The following DLC1 variants were observed in gnomAD, a reference collection of about 807,000 sequenced individuals.
DLC1 encodes rho GTPase-activating protein 7.
Under a neutral mutation model 140.3 loss-of-function variants are expected in DLC1, and 54 were observed. That is an observed-to-expected ratio of 0.38 (90% CI 0.31 to 0.48). DLC1 has a LOEUF of 0.48. Ranked by LOEUF, DLC1 falls within the 20% of genes least tolerant of loss-of-function variation. The pLI is 0.96. For missense variants in DLC1, 2,536 were observed against 1,907.0 expected, an observed-to-expected ratio of 1.33 and a Z score of -6.14; for synonymous variants, 986 against 728.1, an observed-to-expected ratio of 1.35 and a Z score of -5.70.
chr8:13,558,620 C>A (rs182770880), intron 1 of DLC1: 1 of 152,186 alleles, frequency 6.6e-6, no homozygotes, highest in East Asian at 1.9e-4. Context: ...CAAAATCTAA[C>A]CACAGTCCAG....
At chr8:13,554,914 G>A (rs1384433995) in intron 1 of DLC1, among the ~76,000 whole-genome samples, 2 of 152,150 alleles carry the variant, frequency 1.3e-5, no homozygotes, top group Non-Finnish European at 2.9e-5. Flanking sequence ...CTACATGATT[G>A]GGTTTTCACT....
At chr8:13,494,985 T>A (rs1385320369) in intron 2 of DLC1, among the ~76,000 whole-genome samples, 1 of 152,094 alleles carries the variant, frequency 6.6e-6, no homozygotes, top group Non-Finnish European at 1.5e-5. Flanking sequence ...ACCTGAGGGA[T>A]AAACTAAGAC....
chr8:13,502,551 G>T (rs541189460), intron 1 of DLC1, among the ~76,000 whole-genome samples: 1 of 152,170 alleles, frequency 6.6e-6, no homozygotes, highest in African/African-American at 2.4e-5. Context: ...TTAAAGACCA[G>T]ATTATTAATA....
At chr8:13,221,804 T>A (rs1828569649) in intron 5 of DLC1, among the ~76,000 whole-genome samples, 1 of 144,414 alleles carries the variant, frequency 6.9e-6, no homozygotes. Context: ...TATATTAATA[T>A]AAAATACATA....
chr8:13,369,595 T>A (rs1400173623), intron 4 of DLC1, among the ~76,000 whole-genome samples: 1 of 152,266 alleles, frequency 6.6e-6, no homozygotes, highest in Non-Finnish European at 1.5e-5. Context: ...GGCTTCTTTC[T>A]TTCTCTTATG....
At chr8:13,105,874 G>A (rs115275532) in intron 7 of DLC1, among the ~76,000 whole-genome samples, 2,591 of 152,132 alleles carry the variant, frequency 0.017, 78 homozygotes, top group African/African-American at 0.059. Flanking sequence ...CACTGCACCC[G>A]GCAATCTGTG....
intron 5 of DLC1, among the ~76,000 whole-genome samples, chr8:13,129,852 T>C (rs973480513): frequency 2.0e-5 from 3 of 152,216 alleles, no homozygotes; most frequent in African/African-American, 7.2e-5. Flanking sequence ...TTTGTAAAAG[T>C]CTTCTGGCTA....
chr8:13,350,210 G>T (rs1425339580), intron 4 of DLC1, among the ~76,000 whole-genome samples: 1 of 151,990 alleles, frequency 6.6e-6, no homozygotes, highest in Non-Finnish European at 1.5e-5. Context: ...CTTCTTTTAA[G>T]GCCCACTTTT....
At chr8:13,280,423 T>G (rs1301051818) in intron 5 of DLC1, among the ~76,000 whole-genome samples, 1 of 152,140 alleles carries the variant, frequency 6.6e-6, no homozygotes, top group Non-Finnish European at 1.5e-5. Context: ...GGAAGCTGTG[T>G]AAACTCTTCC....
rs1168071913 is a variant in DLC1, at chr8:13,453,475, T to C, written c.1023+45574A>G. Among the ~76,000 whole-genome samples the C allele has an allele frequency of 1.3e-4, 5 of 38,332 alleles. No homozygotes were observed. In the East Asian group the frequency reaches 2.7e-3, roughly 21 times the overall value. 25.1% of individuals were successfully genotyped at this position (38,332 alleles called of 152,430 possible). The stretch of plus-strand genomic sequence containing the variant: ...ATATATATATGTATATATATACATA[T>C]ATATGTATATATATACATATATATA... On this transcript the variant is annotated intron_variant, in intron 2 of 17. Coordinates refer to ENST00000276297, the MANE Select transcript of DLC1 (RefSeq NM_182643.3).
intron 4 of DLC1, among the ~76,000 whole-genome samples, chr8:13,390,984 C>CAA (rs1430798740): frequency 2.8e-5 from 2 of 71,080 alleles, no homozygotes; most frequent in South Asian, 4.3e-4. Flanking sequence ...GACTCCGTCT[C>CAA]AAAAAAAAAA....
intron 5 of DLC1, among the ~76,000 whole-genome samples, chr8:13,198,678 T>A (rs1486034493): frequency 6.6e-6 from 1 of 152,158 alleles, no homozygotes; most frequent in Admixed American, 6.6e-5. Flanking sequence ...CAACTTCTCG[T>A]TAACCCTCAA....
intron 2 of DLC1, among the ~76,000 whole-genome samples, chr8:13,477,039 T>C (rs958734073): frequency 1.3e-5 from 2 of 152,158 alleles, no homozygotes; most frequent in East Asian, 3.9e-4. Context: ...TTAGGGAATA[T>C]GGACTCACTC....
rs193279614 is a variant in DLC1 at position 13,548,947 on chromosome 8, G to T, written c.-125-48751C>A. Among the ~76,000 whole-genome samples, 18 of 152,196 alleles carry T rather than the reference G, an allele frequency of 1.2e-4. No homozygotes were observed. In the East Asian group the frequency reaches 3.5e-3, roughly 29 times the overall value. ...GATCAATTATAATCACTGAATTTCA[G>T]TGAAAGGATTCTTCTCTCTTTTGTA... is the stretch of plus-strand genomic sequence containing the variant. On this transcript the variant is annotated intron_variant, in intron 1 of 1. Transcript: ENST00000631382.
intron 2 of DLC1, among the ~76,000 whole-genome samples, chr8:13,461,396 A>G (rs1458540279): frequency 6.6e-6 from 1 of 151,980 alleles, no homozygotes; most frequent in African/African-American, 2.4e-5. Context: ...GCTTCCCTCC[A>G]CCCCTTTATA....
chr8:13,376,249 G>C (rs1043384952), intron 4 of DLC1, among the ~76,000 whole-genome samples: 2 of 152,172 alleles, frequency 1.3e-5, no homozygotes, highest in Non-Finnish European at 2.9e-5. Context: ...ATACAGCAAT[G>C]CATGCAGTTA....
At chr8:13,281,513 A>G (rs73665934) in intron 5 of DLC1, among the ~76,000 whole-genome samples, 1,934 of 152,294 alleles carry the variant, frequency 0.013, 48 homozygotes, top group African/African-American at 0.043. Context: ...ATTTTTGTAT[A>G]ATGTACAAAG....
chr8:13,485,065 A>G (rs1195341299), intron 2 of DLC1, among the ~76,000 whole-genome samples: 1 of 152,338 alleles, frequency 6.6e-6, no homozygotes, highest in South Asian at 2.1e-4. Context: ...AAATCCCTAG[A>G]CAAGGTTATG....
At chr8:13,145,575 A>C (rs554020729) in intron 5 of DLC1, among the ~76,000 whole-genome samples, 1 of 152,330 alleles carries the variant, frequency 6.6e-6, no homozygotes, top group East Asian at 1.9e-4. Context: ...AACAACTAAA[A>C]ATATCTACAG....
Sources: gnomAD v4.1 joint callset for allele counts (sites outside exome capture counted in the v4.1 genomes callset) on GRCh38, gnomAD v4.1.1 for gene constraint, MANE v1.5 for transcripts, NCBI Gene and HGNC (gene_info 2026-07-23, HGNC 2026-07-21) for gene names.